Variants in GNAQ observed in about 807,000 individuals in gnomAD.
The protein encoded by GNAQ is guanine nucleotide-binding protein G(q) subunit alpha.
A neutral mutation model predicts 43.9 loss-of-function variants in GNAQ; 8 were observed. The observed-to-expected ratio is 0.18, with a 90% CI of 0.11 to 0.33. The LOEUF (loss-of-function observed/expected upper bound fraction) is 0.33. GNAQ is among the 10% of genes least tolerant of loss of function. The pLI is 1.00. For synonymous variants in GNAQ, 155 were observed against 170.7 expected, an observed-to-expected ratio of 0.91 and a Z score of 0.71; for missense variants, 158 against 450.8, an observed-to-expected ratio of 0.35 and a Z score of 5.88.
chr9:77,930,966 C>T (rs1381833968), intron 1 of GNAQ, among the ~76,000 whole-genome samples: 1 of 151,936 alleles, frequency 6.6e-6, no homozygotes, highest in Admixed American at 6.6e-5. Flanking sequence ...CTACTGGGAA[C>T]TGTGCATGCG....
chr9:77,827,161 T>C (rs576131478), intron 2 of GNAQ, among the ~76,000 whole-genome samples: 23 of 152,208 alleles, frequency 1.5e-4, no homozygotes, highest in African/African-American at 4.3e-4. Flanking sequence ...AATTTCATTA[T>C]ATTGCATTAA....
At chr9:77,979,564 G>A (rs1007959669) in intron 1 of GNAQ, among the ~76,000 whole-genome samples, 2 of 151,854 alleles carry the variant, frequency 1.3e-5, no homozygotes, top group African/African-American at 2.4e-5. Context: ...AACAGTTAAC[G>A]AGCTAAACAA....
At chr9:77,874,104 CAAAAAAA>C (rs71937328) in intron 2 of GNAQ, among the ~76,000 whole-genome samples, 11 of 98,968 alleles carry the variant, frequency 1.1e-4, no homozygotes, top group African/African-American at 3.2e-4. Context: ...AACTCCATCT[CAAAAAAA>C]AAAAACAAAA....
At chr9:77,932,414 A>G (rs1353957514) in intron 1 of GNAQ, among the ~76,000 whole-genome samples, 2 of 152,146 alleles carry the variant, frequency 1.3e-5, no homozygotes, top group Non-Finnish European at 2.9e-5. Context: ...TCTAATGGAG[A>G]TGAGTGCTAT....
At chr9:77,755,328 CAGTTA>C (rs1356189137) in intron 5 of GNAQ, among the ~76,000 whole-genome samples, 3 of 152,092 alleles carry the variant, frequency 2.0e-5, no homozygotes, top group South Asian at 2.1e-4. Flanking sequence ...AGGGTAATTA[CAGTTA>C]AGTTTATTGT....
intron 2 of GNAQ, among the ~76,000 whole-genome samples, chr9:77,821,402 A>G (rs979329570): frequency 6.6e-6 from 1 of 151,868 alleles, no homozygotes; most frequent in African/African-American, 2.4e-5. Flanking sequence ...AGAGAACTCA[A>G]TCTCTTTCTT....
chr9:77,883,055 G>T (rs1347288480), intron 2 of GNAQ, among the ~76,000 whole-genome samples: 1 of 152,178 alleles, frequency 6.6e-6, no homozygotes, highest in East Asian at 1.9e-4. Context: ...ACTAACCCAA[G>T]AAACCATCTT....
intron 5 of GNAQ, among the ~76,000 whole-genome samples, chr9:77,778,367 G>A (rs1308987045): frequency 6.6e-6 from 1 of 151,856 alleles, no homozygotes; most frequent in Non-Finnish European, 1.5e-5. Flanking sequence ...CTTTGAGTGT[G>A]GACCTGGGTT....
In GNAQ at chr9:77,721,390, C is replaced by T. The variant is rs2118190874; in HGVS notation, c.1013G>A (p.Arg338His). The T allele has an allele frequency of 6.2e-7, 1 of 1,613,358 alleles. No homozygotes were observed. The highest frequency in any genetic ancestry group is 8.5e-7 in the Non-Finnish European group (1 of 1,179,726). The change falls in exon 7 of 7, where the codon CGC becomes CAC. Residue 338 changes from arginine to histidine, a missense_variant. Arg to His is a conservative substitution (Grantham distance 29, BLOSUM62 0). Around this residue, in one of 9 missense-constraint regions of GNAQ, gnomAD observed 56 missense variants for 172.2 expected, o/e 0.33. Coordinates refer to ENST00000286548, the MANE Select transcript of GNAQ (RefSeq NM_002072.5). Reference protein sequence around the residue: ...FTCATDTENIRFVFAAVKDTI... With the variant: ...FTCATDTENIHFVFAAVKDTI... ...GTCCTTGACGGCAGCAAAGACAAAG[C>T]GGATATTCTCGGTGTCTGTGGCGCA...
At chr9:77,905,246 G>C (rs952066185) in intron 2 of GNAQ, among the ~76,000 whole-genome samples, 2 of 152,168 alleles carry the variant, frequency 1.3e-5, no homozygotes, top group Non-Finnish European at 2.9e-5. Context: ...ACAATTATTA[G>C]TACTGCTATT....
intron 1 of GNAQ, among the ~76,000 whole-genome samples, chr9:78,016,590 G>T (rs559904622): frequency 6.6e-6 from 1 of 151,930 alleles, no homozygotes; most frequent in Non-Finnish European, 1.5e-5. Flanking sequence ...GCTGAGGCAG[G>T]AGAACTGATT....
intron 1 of GNAQ, among the ~76,000 whole-genome samples, chr9:78,013,562 TG>T (rs1823801172): frequency 6.6e-6 from 1 of 151,318 alleles, no homozygotes; most frequent in Admixed American, 6.6e-5. Context: ...ATATATCCAA[TG>T]TTGCCTCTGA....
At chr9:77,807,604 T>C (rs1385457092) in intron 3 of GNAQ, among the ~76,000 whole-genome samples, 2 of 152,158 alleles carry the variant, frequency 1.3e-5, no homozygotes, top group African/African-American at 4.8e-5. Context: ...AAACGTTTCA[T>C]TGTGCAAAGC....
At chr9:77,854,578 T>C (rs1488161036) in intron 2 of GNAQ, among the ~76,000 whole-genome samples, 1 of 152,218 alleles carries the variant, frequency 6.6e-6, no homozygotes, top group Non-Finnish European at 1.5e-5. Flanking sequence ...ATCAGCAAGA[T>C]GTACAAATGC....
At chr9:77,782,169 T>G (rs1826404859) in intron 5 of GNAQ, among the ~76,000 whole-genome samples, 1 of 151,836 alleles carries the variant, frequency 6.6e-6, no homozygotes, top group Admixed American at 6.6e-5. Context: ...CCCTAAAACT[T>G]AAAGTATAAT....
chr9:77,737,230 C>A (rs144516289), intron 5 of GNAQ, among the ~76,000 whole-genome samples: 1 of 152,228 alleles, frequency 6.6e-6, no homozygotes, highest in East Asian at 1.9e-4. Context: ...ATCACCTTCT[C>A]GTTGCTCTCT....
At chr9:77,848,586 G>T (rs1255574374) in intron 2 of GNAQ, among the ~76,000 whole-genome samples, 1 of 152,226 alleles carries the variant, frequency 6.6e-6, no homozygotes, top group African/African-American at 2.4e-5. Context: ...AGTTGGCTTG[G>T]CCAGGGCAAT....
At chr9:77,991,052 T>C (rs909370498) in intron 1 of GNAQ, among the ~76,000 whole-genome samples, 19 of 152,370 alleles carry the variant, frequency 1.2e-4, no homozygotes, top group African/African-American at 3.8e-4. Context: ...ACTAGAGAAA[T>C]TGCTTTCAAG....
chr9:77,739,346 CCTGT>C (rs917216563), intron 5 of GNAQ, among the ~76,000 whole-genome samples: 2 of 151,942 alleles, frequency 1.3e-5, no homozygotes, highest in African/African-American at 4.8e-5. Context: ...ATTGTCTGCT[CCTGT>C]CTTTTTGTCC....
Sources: allele counts gnomAD v4.1 joint callset (sites outside exome capture counted in the v4.1 genomes callset), GRCh38; gene constraint gnomAD v4.1.1; regional missense constraint gnomAD v4.1.1; transcripts MANE v1.5; gene names NCBI Gene and HGNC (gene_info 2026-07-23, HGNC 2026-07-21).